PCDHGA5: variants seen among roughly 807,000 people sequenced by gnomAD.
The protein encoded by PCDHGA5 is protocadherin gamma-A5.
In PCDHGA5, 36 loss-of-function variants were observed where a neutral mutation model predicts 56.7. That is an observed-to-expected ratio of 0.64 (90% CI 0.49 to 0.84). The LOEUF (loss-of-function observed/expected upper bound fraction) is 0.84, where lower values mean the gene tolerates loss of function less well. Ranked by LOEUF, PCDHGA5 falls within the 40% of genes least tolerant of loss-of-function variation. The pLI, the probability that PCDHGA5 is intolerant of heterozygous loss-of-function variation, is 0.00. For synonymous variants in PCDHGA5, 563 were observed against 520.2 expected (o/e 1.08, Z -1.12); for missense variants, 1,305 against 1,201.5 (o/e 1.09, Z -1.27).
chr5:141,399,491 T>A, intron 1 of PCDHGA5: 1 of 1,614,022 alleles, frequency 6.2e-7, no homozygotes, highest in African/African-American at 1.3e-5. Flanking sequence ...TCCTACTTAG[T>A]CAGTGTACCC....
chr5:141,371,939 C>G (rs1561553418), intron 1 of PCDHGA5: 6 of 1,613,300 alleles, frequency 3.7e-6, no homozygotes, highest in Non-Finnish European at 5.1e-6. Context: ...GGGTGGTGTT[C>G]GCGCAGCGAG....
chr5:141,393,526 A>G, intron 1 of PCDHGA5: 3 of 1,613,974 alleles, frequency 1.9e-6, no homozygotes, highest in East Asian at 2.2e-5. Context: ...ACAAATGACA[A>G]TGCCCCGGTT....
chr5:141,427,883 C>G (rs2097084423), intron 1 of PCDHGA5: 3 of 1,563,818 alleles, frequency 1.9e-6, no homozygotes, highest in Non-Finnish European at 1.7e-6. Flanking sequence ...TGCAGGCCCA[C>G]GACCAGGGCT....
intron 1 of PCDHGA5, chr5:141,427,524 C>T (rs1421119651): frequency 1.6e-6 from 1 of 610,726 alleles, no homozygotes; most frequent in South Asian, 1.5e-5. Flanking sequence ...GGAGCGGATC[C>T]CGGAGTACAA....
chr5:141,421,043 C>G (rs1201118615), intron 1 of PCDHGA5: 2 of 548,238 alleles, frequency 3.6e-6, no homozygotes, highest in Non-Finnish European at 6.3e-6. Flanking sequence ...CCTCCCTCCC[C>G]CGCCTCTACC....
In PCDHGA5 at chr5:141,366,388, T is replaced by A. The variant is rs1764530765; in HGVS notation, c.2058T>A (p.Asp686Glu). ...GSIKTPIDPEDLDLTLYLVVA... is the reference protein window; with the variant it reads ...GSIKTPIDPEELDLTLYLVVA... ...TCAAGACCCCCATTGACCCTGAGGA[T>A]CTGGACCTCACACTCTATCTTGTGG... The change falls in exon 1 of 4, where the codon GAT becomes GAA. Residue 686 changes from aspartate to glutamate, a missense_variant. Physicochemically the swap from Asp to Glu is conservative, Grantham distance 45. Transcript: ENST00000518069. 1 of 1,614,034 alleles carries A rather than the reference T, an allele frequency of 6.2e-7. No homozygotes were observed. The highest frequency in any genetic ancestry group is 1.3e-5 in the African/African-American group (1 of 74,956).
At chr5:141,398,818 C>G in intron 1 of PCDHGA5, 1 of 1,613,958 alleles carries the variant, frequency 6.2e-7, no homozygotes. Flanking sequence ...GCTCCGGATC[C>G]AGGTAACCGA....
At chr5:141,383,767 A>G (rs1779455066) in intron 1 of PCDHGA5, 2 of 1,613,886 alleles carry the variant, frequency 1.2e-6, no homozygotes, top group South Asian at 2.2e-5. Flanking sequence ...TAAACTTCCA[A>G]AGATGTTTCA....
In PCDHGA5 at chr5:141,489,365, G is replaced by A. The variant is rs774363104; in HGVS notation, c.2422-5442G>A. ...TCAGTGGTGGAGGAGTCTGAGCCGG[G>A]GACGCTGGTGGGGAATGTTGCTCAG... On this transcript the variant is annotated intron_variant, in intron 1 of 3. Transcript: ENST00000518069. The surrounding 1 kb of genome is among the most constrained non-coding windows in gnomAD (Gnocchi z 4.5). The A allele has an allele frequency of 6.2e-7, 1 of 1,613,512 alleles. No individual in the cohort carries two copies.
At chr5:141,399,736 G>A (rs771689220) in intron 1 of PCDHGA5, 4 of 1,613,306 alleles carry the variant, frequency 2.5e-6, no homozygotes, top group Non-Finnish European at 3.4e-6. Flanking sequence ...GGGCTCGCCT[G>A]CGCTCAGCGC....
At position 141,364,491 on chromosome 5, in the gene PCDHGA5, T is replaced by G; in HGVS notation, c.161T>G (p.Leu54Arg). 1 of 1,614,022 alleles carries G rather than the reference T, an allele frequency of 6.2e-7. No homozygotes were observed. ...GGCAACATAGCCAAGGACCTTGGGC[T>G]GGAGCCCCAGGAGCTGGCGGAGCGC... ...FVGNIAKDLG[L>R]EPQELAERGV... The change falls in exon 1 of 4, where the codon CTG becomes CGG. Residue 54 changes from leucine (L) to arginine (R), a missense_variant. Coordinates refer to ENST00000518069, the MANE Select transcript of PCDHGA5 (RefSeq NM_018918.3).
chr5:141,396,570 C>T (rs996384369), intron 1 of PCDHGA5: 5 of 150,662 alleles, frequency 3.3e-5, no homozygotes, highest in African/African-American at 1.2e-4. Flanking sequence ...CAGTGAGCCT[C>T]GATCCTGTCA....
At chr5:141,421,141 G>A (rs7732160) in intron 1 of PCDHGA5, 49,996 of 938,386 alleles carry the variant, frequency 0.053, 1,680 homozygotes, top group African/African-American at 0.14. Flanking sequence ...TATTTTGGAT[G>A]TAGTCGGCCT....
In PCDHGA5 at chr5:141,491,807, G is replaced by A; in HGVS notation, c.2422-3000G>A. On this transcript the variant is annotated intron_variant, in intron 1 of 3. Transcript: ENST00000518069. The surrounding 1 kb of genome is among the most constrained non-coding windows in gnomAD (Gnocchi z 6.9). ...CATCCACTCCTCTCCGGCCGGCTTG[G>A]TCGCTGGCTGCGCTCCACCCGATTC... is the stretch of plus-strand genomic sequence containing the variant. 1 of 1,491,112 alleles carries A rather than the reference G, an allele frequency of 6.7e-7. No homozygotes were observed. The highest frequency in any genetic ancestry group is 1.4e-5 in the South Asian group (1 of 73,752). The allele number at this position is 1,491,112 out of a possible 1,614,324, so 92.4% of individuals were successfully genotyped here. A position where few individuals can be genotyped will look rare whatever the true frequency, so the allele number is the denominator to read the frequency against.
chr5:141,476,656 T>C lies in PCDHGA5; in HGVS notation c.2422-18151T>C. 1 of 1,614,210 alleles carries C rather than the reference T, an allele frequency of 6.2e-7. No individual in the cohort carries two copies. Among genetic ancestry groups the C allele is most frequent in the Non-Finnish European group, 8.5e-7 (1 of 1,180,044 alleles). On this transcript the variant is annotated intron_variant, in intron 1 of 3. Coordinates refer to ENST00000518069, the MANE Select transcript of PCDHGA5 (RefSeq NM_018918.3). This position sits in a 1 kb window ranked among gnomAD's most constrained non-coding sequence, Gnocchi z 7.6. ...ATGAGCTGAGCCGAAATGAATACTT[T>C]GCGCTTCGCGTGCAGACGCGGGAGG...
At chr5:141,390,024 CG>C (rs1561629846) in intron 1 of PCDHGA5, 1 of 1,614,044 alleles carries the variant, frequency 6.2e-7, no homozygotes, top group African/African-American at 1.3e-5. Context: ...CTTGCGCCTG[CG>C]ACGCTCCTCC....
intron 1 of PCDHGA5, chr5:141,419,468 C>T: frequency 6.2e-7 from 1 of 1,612,484 alleles, no homozygotes; most frequent in Non-Finnish European, 8.5e-7. Flanking sequence ...GGCCCGCGAC[C>T]AGGGCTCGCC....
chr5:141,418,980 A>C (rs1219866791), intron 1 of PCDHGA5: 2 of 1,614,004 alleles, frequency 1.2e-6, no homozygotes, highest in Non-Finnish European at 1.7e-6. Flanking sequence ...ACACGGGACC[A>C]AGACTCAGGG....
At chr5:141,478,719 T>C in intron 1 of PCDHGA5, 1 of 1,543,882 alleles carries the variant, frequency 6.5e-7, no homozygotes, top group South Asian at 1.2e-5. Context: ...GATGGTGGCC[T>C]GCCAGAGTGT....
Sources: gnomAD v4.1 joint callset for allele counts on GRCh38, gnomAD v4.1.1 for gene constraint, Gnocchi (gnomAD v3.1) non-coding constraint, MANE v1.5 for transcripts, NCBI Gene and HGNC (gene_info 2026-07-23, HGNC 2026-07-21) for gene names.